Variants in RANBP2 observed in about 807,000 individuals in gnomAD.
RANBP2 encodes RAN binding protein 2.
In RANBP2, 57 loss-of-function variants were observed where a neutral mutation model predicts 303.6. That is an observed-to-expected ratio of 0.19 (90% confidence interval 0.15 to 0.23). RANBP2 has a LOEUF of 0.23. Among genes scored for constraint, RANBP2 ranks in the 10% least tolerant of loss-of-function variants. The pLI is 1.00. For synonymous variants in RANBP2, 1,167 were observed against 1,301.5 expected (o/e 0.90, Z 2.23); for missense variants, 3,138 against 3,780.8 (o/e 0.83, Z 4.46).
chr2:109,504,718 C>T, the RANBP2 span: 4 of 152,284 alleles, frequency 2.6e-5, no homozygotes, highest in Non-Finnish European at 5.9e-5. Flanking sequence ...AAGGTTTGGC[C>T]CACCTGCCTG....
chr2:109,652,488 G>C, the RANBP2 span, among the ~76,000 whole-genome samples: 3 of 152,194 alleles, frequency 2.0e-5, no homozygotes, highest in Non-Finnish European at 4.4e-5. Context: ...GCCTCCCAAA[G>C]TGCTAGGATT....
the RANBP2 span, among the ~76,000 whole-genome samples, chr2:109,640,681 C>T: frequency 6.6e-6 from 1 of 152,112 alleles, no homozygotes; most frequent in African/African-American, 2.4e-5. Context: ...TCCAACTGCT[C>T]TTAGGAGTCC....
At chr2:109,077,847 A>G in the RANBP2 span, among the ~76,000 whole-genome samples, 1 of 149,476 alleles carries the variant, frequency 6.7e-6, no homozygotes, top group Admixed American at 6.7e-5. Context: ...GAACTCTTAT[A>G]CACTGTTCAT....
At chr2:109,602,432 T>C in the RANBP2 span, among the ~76,000 whole-genome samples, 3 of 152,118 alleles carry the variant, frequency 2.0e-5, no homozygotes, top group South Asian at 6.2e-4. Flanking sequence ...TGCCAGCACC[T>C]TGGGAGGCCA....
chr2:109,386,426 A>C, the RANBP2 span, among the ~76,000 whole-genome samples: 1 of 152,172 alleles, frequency 6.6e-6, no homozygotes, highest in African/African-American at 2.4e-5. Context: ...TAAAAAAAAA[A>C]AAAAAAACAC....
At chr2:109,239,589 G>C in the RANBP2 span, among the ~76,000 whole-genome samples, 5 of 152,212 alleles carry the variant, frequency 3.3e-5, no homozygotes, top group African/African-American at 1.2e-4. Flanking sequence ...TTGCACACAC[G>C]AGACTGGGTA....
chr2:109,397,503 G>A, the RANBP2 span, among the ~76,000 whole-genome samples: 1 of 152,166 alleles, frequency 6.6e-6, no homozygotes, highest in Non-Finnish European at 1.5e-5. Context: ...CCATATAGGT[G>A]TGCACTTAGG....
At chr2:108,965,049 CCAAA>C in the RANBP2 span, among the ~76,000 whole-genome samples, 3 of 152,260 alleles carry the variant, frequency 2.0e-5, no homozygotes, top group Admixed American at 6.5e-5. Context: ...TAATATTCCT[CCAAA>C]CATTTTTTAA....
chr2:109,715,108 C>CAGGCAT, the RANBP2 span, among the ~76,000 whole-genome samples: 1 of 151,780 alleles, frequency 6.6e-6, no homozygotes, highest in Non-Finnish European at 1.5e-5. Context: ...GCTGGGATTA[C>CAGGCAT]AGGCATATGC....
chr2:109,652,072 T>C, the RANBP2 span, among the ~76,000 whole-genome samples: 470 of 152,296 alleles, frequency 3.1e-3, 2 homozygotes, highest in African/African-American at 0.011. Context: ...GTGTGGCAGC[T>C]GCACGGTAGT....
At chr2:108,745,521 A>G (rs1696433116) in intron 7 of RANBP2, among the ~76,000 whole-genome samples, 1 of 150,078 alleles carries the variant, frequency 6.7e-6, no homozygotes, top group Admixed American at 6.6e-5. Flanking sequence ...TCTTCTTTTG[A>G]TGATTTCTTT....
intron 1 of RANBP2, among the ~76,000 whole-genome samples, chr2:108,728,439 A>G (rs1573694052): frequency 6.6e-6 from 1 of 152,110 alleles, no homozygotes; most frequent in Admixed American, 6.5e-5. Flanking sequence ...GAACACAGGC[A>G]TGCTCCACTA....
chr2:109,153,538 G>T, the RANBP2 span, among the ~76,000 whole-genome samples: 1 of 152,240 alleles, frequency 6.6e-6, no homozygotes, highest in East Asian at 1.9e-4. Context: ...TCGGCTCAGT[G>T]TGCAATGCCT....
the RANBP2 span, among the ~76,000 whole-genome samples, chr2:109,565,128 T>C: frequency 6.6e-6 from 1 of 152,144 alleles, no homozygotes; most frequent in African/African-American, 2.4e-5. Flanking sequence ...TACTCTTAAG[T>C]ATAATTATTA....
At chr2:109,030,565 G>A in the RANBP2 span, among the ~76,000 whole-genome samples, 10 of 152,324 alleles carry the variant, frequency 6.6e-5, no homozygotes, top group East Asian at 1.9e-3. Context: ...TCCCTGAGAA[G>A]GAGTGGGGAG....
the RANBP2 span, among the ~76,000 whole-genome samples, chr2:108,958,125 C>T: frequency 2.0e-5 from 3 of 152,162 alleles, no homozygotes; most frequent in Non-Finnish European, 4.4e-5. Flanking sequence ...CCTGCACTTT[C>T]ATCCTCCTCC....
chr2:109,721,607 T>C, the RANBP2 span, among the ~76,000 whole-genome samples: 1 of 152,258 alleles, frequency 6.6e-6, no homozygotes, highest in African/African-American at 2.4e-5. Flanking sequence ...GATGAGGCCA[T>C]CAGAAAGGGT....
the RANBP2 span, among the ~76,000 whole-genome samples, chr2:108,958,499 T>G: frequency 8.6e-5 from 13 of 151,652 alleles, no homozygotes; most frequent in Middle Eastern, 3.5e-3. Context: ...GTGCGTTTGT[T>G]CAGGCAGGGG....
At chr2:109,425,209 A>G in the RANBP2 span, among the ~76,000 whole-genome samples, 1 of 152,252 alleles carries the variant, frequency 6.6e-6, no homozygotes. Flanking sequence ...AAGCTAAAGG[A>G]GGAAAGTTTG....
Sources: gnomAD v4.1 joint callset for allele counts (sites outside exome capture counted in the v4.1 genomes callset) on GRCh38, gnomAD v4.1.1 for gene constraint, MANE v1.5 for transcripts, NCBI Gene and HGNC (gene_info 2026-07-23, HGNC 2026-07-21) for gene names.